Variants in CAMK4 observed in about 807,000 individuals in gnomAD.
CAMK4 encodes the protein calcium/calmodulin dependent protein kinase IV, also known as calcium/calmodulin-dependent protein kinase type IV.
Under a neutral mutation model 44.9 loss-of-function variants are expected in CAMK4, and 22 were observed. The ratio of observed to expected loss-of-function variants is 0.49; its 90% CI spans 0.35 to 0.70. The LOEUF (loss-of-function observed/expected upper bound fraction) is 0.70, where lower values mean the gene tolerates loss of function less well. Ranked by LOEUF, CAMK4 falls within the 30% of genes least tolerant of loss-of-function variation. The probability of loss-of-function intolerance (pLI) is 0.01; values close to 1 mark genes in which losing one functional copy is unlikely to be tolerated. For missense variants in CAMK4, 498 were observed against 586.8 expected (o/e 0.85, Z 1.56); for synonymous variants, 218 against 215.4 (o/e 1.01, Z -0.11).
intron 7 of CAMK4, among the ~76,000 whole-genome samples, chr5:111,455,725 C>T (rs1258365911): frequency 6.6e-6 from 1 of 152,198 alleles, no homozygotes; most frequent in Non-Finnish European, 1.5e-5. Flanking sequence ...ACCTGATGCT[C>T]ACAGGCATAG....
chr5:111,380,929 C>T (rs1360528193), intron 4 of CAMK4, among the ~76,000 whole-genome samples: 1 of 152,158 alleles, frequency 6.6e-6, no homozygotes, highest in Non-Finnish European at 1.5e-5. Context: ...AAGTCTTATT[C>T]ACAAGGCTTT....
At position 111,484,713 on chromosome 5, in the gene CAMK4, G is replaced by A. The variant is rs924848326; in HGVS notation, c.*247G>A. 1.8e-5 allele frequency: 6 copies of A among 338,306 alleles called. No homozygotes were observed. Among genetic ancestry groups the A allele is most frequent in the East Asian group, 4.6e-5 (1 of 21,914 alleles). The allele number at this position is 338,306 out of a possible 1,614,324, so 21.0% of individuals were successfully genotyped here. On this transcript the variant is annotated 3_prime_UTR_variant, in exon 11 of 11. Transcript: ENST00000282356. The surrounding 1 kb of genome is among the most constrained non-coding windows in gnomAD (Gnocchi z 5.3). ...GTTAAATCTTGCAAGTTAACACAAC[G>A]TAACACTTAAAAGCATACATTTTCA...
intron 2 of CAMK4, among the ~76,000 whole-genome samples, chr5:111,346,422 A>G (rs1244155375): frequency 6.6e-6 from 1 of 151,894 alleles, no homozygotes; most frequent in East Asian, 1.9e-4. Context: ...TATTACTTCA[A>G]TGGATGGTTT....
intron 1 of CAMK4, among the ~76,000 whole-genome samples, chr5:111,269,713 T>G (rs1750419691): frequency 6.6e-6 from 1 of 152,148 alleles, no homozygotes; most frequent in South Asian, 2.1e-4. Flanking sequence ...GTGGACTCCC[T>G]GCAGTCCCTA....
intron 5 of CAMK4, among the ~76,000 whole-genome samples, chr5:111,428,565 C>A (rs1250009112): frequency 2.0e-5 from 3 of 152,104 alleles, no homozygotes; most frequent in Non-Finnish European, 2.9e-5. Flanking sequence ...GGCAGAAATT[C>A]TGGAGCAGAA....
chr5:111,227,158 T>C (rs1348563591), intron 1 of CAMK4, among the ~76,000 whole-genome samples: 1 of 152,188 alleles, frequency 6.6e-6, no homozygotes, highest in Non-Finnish European at 1.5e-5. Context: ...AATTTTTAAG[T>C]AAATAAACTT....
chr5:111,387,877 G>T (rs574362873), intron 4 of CAMK4, among the ~76,000 whole-genome samples: 1 of 152,154 alleles, frequency 6.6e-6, no homozygotes, highest in Non-Finnish European at 1.5e-5. Context: ...GAAATAAATT[G>T]CAAGATTTCA....
In CAMK4 at chr5:111,286,164, G is replaced by T. The variant is rs75577085; in HGVS notation, c.162-57860G>T. Among the ~76,000 whole-genome samples, 907 of 152,230 alleles carry T rather than the reference G, an allele frequency of 6.0e-3. 9 individuals carry two copies. Among genetic ancestry groups the T allele is most frequent in the African/African-American group, 0.021 (858 of 41,524 alleles). On this transcript the variant is annotated intron_variant, in intron 1 of 10. Transcript: ENST00000282356. ...GTGAGAGCAACATTTAAGGGTTAAG[G>T]TTTCTAGGTTTTGTACAGAGCAGCC...
At chr5:111,311,039 A>G (rs974618188) in intron 1 of CAMK4, among the ~76,000 whole-genome samples, 1 of 152,146 alleles carries the variant, frequency 6.6e-6, no homozygotes, top group Non-Finnish European at 1.5e-5. Context: ...TAACTAGTGG[A>G]GCTTATTTTC....
At chr5:111,299,268 C>T (rs948037274) in intron 1 of CAMK4, among the ~76,000 whole-genome samples, 1 of 152,234 alleles carries the variant, frequency 6.6e-6, no homozygotes, top group Admixed American at 6.5e-5. Context: ...GGTAACCACT[C>T]ATGTGAGCTT....
At chr5:111,472,465 C>A (rs1755098682) in intron 7 of CAMK4, among the ~76,000 whole-genome samples, 3 of 152,238 alleles carry the variant, frequency 2.0e-5, no homozygotes, top group Non-Finnish European at 4.4e-5. Flanking sequence ...GGGGCTCTTA[C>A]TTTCCCTTTT....
intron 7 of CAMK4, among the ~76,000 whole-genome samples, chr5:111,459,207 G>C (rs1754546851): frequency 6.6e-6 from 1 of 152,266 alleles, no homozygotes; most frequent in Non-Finnish European, 1.5e-5. Flanking sequence ...AGAGAGAAGA[G>C]AAGGAACATT....
intron 1 of CAMK4, among the ~76,000 whole-genome samples, chr5:111,270,850 A>G (rs954931210): frequency 1.3e-5 from 2 of 152,240 alleles, no homozygotes; most frequent in Non-Finnish European, 2.9e-5. Context: ...TCACACTGCT[A>G]TAAAGTTATA....
chr5:111,223,750 G>A (rs1422937859), upstream of CAMK4: 3 of 152,526 alleles, frequency 2.0e-5, no homozygotes, highest in African/African-American at 4.8e-5. The surrounding 1 kb of genome is among the most constrained non-coding windows in gnomAD (Gnocchi z 4.3). Context: ...TTTTCCTCCA[G>A]CTCTCACTGG....
intron 1 of CAMK4, chr5:111,266,171 A>T (rs897443536): frequency 6.6e-6 from 1 of 151,056 alleles, no homozygotes; most frequent in Non-Finnish European, 1.5e-5. Context: ...GTAGAATAGA[A>T]GGTTTCCTAA....
chr5:111,429,917 CAAAAAA>C (rs139404786), intron 5 of CAMK4, among the ~76,000 whole-genome samples: 42 of 135,806 alleles, frequency 3.1e-4, no homozygotes, highest in Admixed American at 1.3e-3. Flanking sequence ...CAAACTATTC[CAAAAAA>C]AAAAAAAAAA....
rs1161652057 is a variant in CAMK4 at position 111,485,068 on chromosome 5, CTTTA to C, written c.*606_*609del. 2 of 152,102 alleles carry C rather than the reference CTTTA, an allele frequency of 1.3e-5. No individual in the cohort carries two copies. The highest frequency in any genetic ancestry group is 2.9e-5 in the Non-Finnish European group (2 of 68,004). The allele number at this position is 152,102 out of a possible 1,614,324, so 9.4% of individuals were successfully genotyped here. A position where few individuals can be genotyped will look rare whatever the true frequency, so the allele number is the denominator to read the frequency against. On this transcript the variant is annotated 3_prime_UTR_variant, in exon 11 of 11. Transcript: ENST00000282356. ...GTCCCTAAAGCCTGTGTGGAGAATG[CTTTA>C]TTTTATTCTTATTTATATACACTAT...
chr5:111,332,147 G>A (rs1464967140), intron 1 of CAMK4, among the ~76,000 whole-genome samples: 1 of 151,400 alleles, frequency 6.6e-6, no homozygotes, highest in African/African-American at 2.4e-5. Flanking sequence ...AGTTACGTAT[G>A]TATACATGTG....
intron 1 of CAMK4, among the ~76,000 whole-genome samples, chr5:111,317,960 G>A (rs1580580492): frequency 1.5e-5 from 2 of 134,392 alleles, no homozygotes; most frequent in African/African-American, 5.4e-5. Context: ...ATTTTTTATC[G>A]GACTGTATAA....
Sources: allele counts gnomAD v4.1 joint callset (sites outside exome capture counted in the v4.1 genomes callset), GRCh38; gene constraint gnomAD v4.1.1; non-coding constraint Gnocchi (gnomAD v3.1); transcripts MANE v1.5; gene names NCBI Gene and HGNC (gene_info 2026-07-23, HGNC 2026-07-21).